Variants in UBR2 observed in about 807,000 individuals in gnomAD.
UBR2 encodes the protein E3 ubiquitin-protein ligase UBR2.
Under a neutral mutation model 247.9 loss-of-function variants are expected in UBR2, and 92 were observed. The ratio of observed to expected loss-of-function variants is 0.37; its 90% CI spans 0.31 to 0.44. The LOEUF is 0.44. UBR2 is among the 20% of genes least tolerant of loss of function. The probability of loss-of-function intolerance (pLI) is 1.00; values close to 1 mark genes in which losing one functional copy is unlikely to be tolerated. For missense variants in UBR2, 1,613 were observed against 2,112.6 expected, an observed-to-expected ratio of 0.76 and a Z score of 4.64; for synonymous variants, 672 against 693.5, an observed-to-expected ratio of 0.97 and a Z score of 0.49.
intron 4 of UBR2, among the ~76,000 whole-genome samples, chr6:42,594,680 G>A (rs370687883): frequency 1.1e-4 from 16 of 152,128 alleles, no homozygotes; most frequent in Middle Eastern, 3.4e-3. Context: ...TTTCTTTTCT[G>A]TTACCATACA....
intron 18 of UBR2, among the ~76,000 whole-genome samples, chr6:42,643,567 A>G (rs1796571932): frequency 6.6e-6 from 1 of 152,140 alleles, no homozygotes; most frequent in African/African-American, 2.4e-5. Context: ...CTGGACTCCA[A>G]CCTGGGCGAC....
chr6:42,685,752 T>G (rs1048120684), intron 44 of UBR2, among the ~76,000 whole-genome samples: 1 of 151,630 alleles, frequency 6.6e-6, no homozygotes, highest in African/African-American at 2.4e-5. Context: ...ACAAGCAGCA[T>G]AAAGAATAAT....
intron 9 of UBR2, among the ~76,000 whole-genome samples, chr6:42,615,657 G>T (rs2151939267): frequency 6.6e-6 from 1 of 152,036 alleles, no homozygotes; most frequent in Non-Finnish European, 1.5e-5. Flanking sequence ...AGTCTCAGTG[G>T]TGTGTGCCTG....
At position 42,610,839 on chromosome 6, in the gene UBR2, G is replaced by A. The variant is rs1299705295; in HGVS notation, c.865-1332G>A. Among the ~76,000 whole-genome samples, 3 of 150,484 alleles carry A rather than the reference G, an allele frequency of 2.0e-5. No individual in the cohort carries two copies. The East Asian group carries it at 5.9e-4, about 29-fold the overall frequency. Reference sequence around the variant, plus strand: ...AATGGCTAAGATGAAAGTTTTATATGTATTTTACCTTTTTTTTTTTTTTGA... The same window carrying A: ...AATGGCTAAGATGAAAGTTTTATATATATTTTACCTTTTTTTTTTTTTTGA... On this transcript the variant is annotated intron_variant, in intron 7 of 46. Coordinates refer to ENST00000372901, the MANE Select transcript of UBR2 (RefSeq NM_001363705.2).
rs750215298 is a variant in UBR2 at position 42,573,305 on chromosome 6, A to G, written c.79-429A>G. On this transcript the variant is annotated intron_variant, in intron 1 of 46. Coordinates refer to ENST00000372901, the MANE Select transcript of UBR2 (RefSeq NM_001363705.2). Reference sequence around the variant, plus strand: ...TTGGCTGTTCATGTTCACCGTACATATTGGCTGTTCATATTCACCGTACAC... The same window carrying G: ...TTGGCTGTTCATGTTCACCGTACATGTTGGCTGTTCATATTCACCGTACAC... Among the ~76,000 whole-genome samples the G allele has an allele frequency of 1.1e-4, 16 of 152,276 alleles. 1 individual carries two copies. The highest frequency in any genetic ancestry group is 2.1e-4 in the South Asian group (1 of 4,828).
At position 42,564,096 on chromosome 6, in the gene UBR2, T is replaced by A; in HGVS notation, c.-224T>A. The A allele has an allele frequency of 1.8e-6, 1 of 554,958 alleles. No homozygotes were observed. Among genetic ancestry groups the A allele is most frequent in the Non-Finnish European group, 3.1e-6 (1 of 318,972 alleles). The allele number at this position is 554,958 out of a possible 1,614,324, so 34.4% of individuals were successfully genotyped here. A position where few individuals can be genotyped will look rare whatever the true frequency, so the allele number is the denominator to read the frequency against. On this transcript the variant is annotated 5_prime_UTR_variant, in exon 1 of 47. Coordinates refer to ENST00000372901, the MANE Select transcript of UBR2 (RefSeq NM_001363705.2). ...CTTCCCTGGGTCAGGGACGAGCCAG[T>A]GACTTGACTCTTGGGCGCTAAGCTT... is the stretch of plus-strand genomic sequence containing the variant.
At chr6:42,610,109 C>T (rs1793976565) in intron 7 of UBR2, among the ~76,000 whole-genome samples, 1 of 151,978 alleles carries the variant, frequency 6.6e-6, no homozygotes, top group African/African-American at 2.4e-5. Flanking sequence ...CCCAGGAGTT[C>T]AAGGCTGTAG....
At chr6:42,640,054 T>G (rs1026415075) in intron 15 of UBR2, among the ~76,000 whole-genome samples, 155 bp from the exon 16 acceptor site, 1 of 152,180 alleles carries the variant, frequency 6.6e-6, no homozygotes, top group Non-Finnish European at 1.5e-5. Flanking sequence ...AATAAGCCTC[T>G]TATGAATATA....
At chr6:42,670,337 TAACAAC>T (rs1798356693) in intron 35 of UBR2, 97 bp downstream of exon 35, 2 of 1,437,874 alleles carry the variant, frequency 1.4e-6, no homozygotes, top group African/African-American at 2.8e-5. Context: ...TTGAAGTGGG[TAACAAC>T]GTGAAGAAAT....
At chr6:42,604,470 A>G (rs953211654) in intron 5 of UBR2, among the ~76,000 whole-genome samples, 10 of 152,114 alleles carry the variant, frequency 6.6e-5, no homozygotes, top group Admixed American at 4.6e-4. Flanking sequence ...TGAGGTGACT[A>G]TACCTTTTTG....
At chr6:42,567,458 T>C (rs563185392) in intron 1 of UBR2, among the ~76,000 whole-genome samples, 30 of 152,050 alleles carry the variant, frequency 2.0e-4, no homozygotes, top group Non-Finnish European at 3.8e-4. Context: ...ATGCCGGGTG[T>C]GGTGGCTCTT....
At chr6:42,675,729 G>A (rs745747887) in intron 38 of UBR2, among the ~76,000 whole-genome samples, 1 of 152,202 alleles carries the variant, frequency 6.6e-6, no homozygotes, top group African/African-American at 2.4e-5. Context: ...GGAGGCCGAG[G>A]TGGGCGGATT....
At position 42,658,287 on chromosome 6, in the gene UBR2, C is replaced by G; in HGVS notation, c.3030C>G (p.Pro1010=). The part of the protein sequence containing the change: ...KKMRESSPTS[P]VAETEGTIME... ...TGAGGGAGAGTTCACCTACCAGTCCCGTGGCAGAGACAGAAGGAACCATAA... is the reference window on the plus strand; with the variant it reads ...TGAGGGAGAGTTCACCTACCAGTCCGGTGGCAGAGACAGAAGGAACCATAA... The change falls in exon 28 of 47, where the codon CCC becomes CCG. Residue 1010 remains proline, a synonymous_variant. Coordinates refer to ENST00000372901, the MANE Select transcript of UBR2 (RefSeq NM_001363705.2). 6.2e-7 allele frequency: 1 copy of G among 1,613,468 alleles called. No homozygotes were observed.
At chr6:42,661,740 TCTAGGGGGCGCCCCG>T (rs1797822428) in intron 30 of UBR2, among the ~76,000 whole-genome samples, 1 of 152,108 alleles carries the variant, frequency 6.6e-6, no homozygotes, top group African/African-American at 2.4e-5. Context: ...CAGTCTGTCC[TCTAGGGGGCGCCCCG>T]TTACTGCCAA....
intron 32 of UBR2, among the ~76,000 whole-genome samples, chr6:42,663,801 G>C (rs1031260606): frequency 5.3e-5 from 8 of 152,116 alleles, no homozygotes; most frequent in African/African-American, 9.7e-5. Context: ...ACTTTTTGCT[G>C]TACTGGCCAT....
At chr6:42,619,576 C>G (rs1216672426) in intron 11 of UBR2, 2 of 223,832 alleles carry the variant, frequency 8.9e-6, no homozygotes, top group Non-Finnish European at 1.7e-5. Context: ...TGGTGAAACC[C>G]CATCTCTACT....
Position 42,624,337 on chromosome 6 carries a change from TG to T in UBR2, c.1281+6838del, listed in dbSNP as rs35921876. On this transcript the variant is annotated intron_variant, in intron 11 of 46. Coordinates refer to ENST00000372901, the MANE Select transcript of UBR2 (RefSeq NM_001363705.2). ...TTTTTTTTAGTGTTTGTTGAGTTGGTGGGGGGGGTGTTGCTTTGTTGCCCAG... is the reference window on the plus strand; with the variant it reads ...TTTTTTTTAGTGTTTGTTGAGTTGGTGGGGGGGTGTTGCTTTGTTGCCCAG... Among the ~76,000 whole-genome samples the T allele has an allele frequency of 4.2e-3, 616 of 145,956 alleles. 4 individuals carry two copies. The highest frequency in any genetic ancestry group is 0.015 in the African/African-American group (596 of 39,380).
intron 46 of UBR2, 46 bp from the exon 47 acceptor site, chr6:42,690,986 G>T: frequency 6.2e-7 from 1 of 1,608,646 alleles, no homozygotes; most frequent in Non-Finnish European, 8.5e-7. Flanking sequence ...TATAATAGAG[G>T]AATAAACAGA....
intron 13 of UBR2, among the ~76,000 whole-genome samples, chr6:42,633,388 T>TTTTTG (rs967716699): frequency 3.3e-5 from 5 of 151,976 alleles, no homozygotes; most frequent in African/African-American, 9.7e-5. Context: ...GTGTTGGTTT[T>TTTTTG]TTTTGTTTTG....
Sources: gnomAD v4.1 joint callset for allele counts (sites outside exome capture counted in the v4.1 genomes callset) on GRCh38, gnomAD v4.1.1 for gene constraint, MANE v1.5 for transcripts, NCBI Gene and HGNC (gene_info 2026-07-23, HGNC 2026-07-21) for gene names.